Variants in RGS9 observed in about 807,000 individuals in gnomAD.
The protein encoded by RGS9 is regulator of G-protein signalling 9.
Under a neutral mutation model 102.0 loss-of-function variants are expected in RGS9, and 78 were observed. The observed-to-expected ratio is 0.76, with a 90% CI of 0.64 to 0.92. The LOEUF (loss-of-function observed/expected upper bound fraction) is 0.92, where lower values mean the gene tolerates loss of function less well. RGS9 is among the 40% of genes least tolerant of loss of function. RGS9 has a pLI of 0.00. For missense variants in RGS9, 833 were observed against 866.1 expected, an observed-to-expected ratio of 0.96 and a Z score of 0.48; for synonymous variants, 353 against 318.6, an observed-to-expected ratio of 1.11 and a Z score of -1.15.
chr17:65,142,005 C>G (rs1910175515), intron 1 of RGS9, among the ~76,000 whole-genome samples: 1 of 152,162 alleles, frequency 6.6e-6, no homozygotes, highest in Non-Finnish European at 1.5e-5. Flanking sequence ...GCCTGTAATC[C>G]CAGTACTTTG....
chr17:65,160,750 G>T (rs527822345), intron 5 of RGS9, 101 bp from the exon 6 acceptor site: 3 of 1,429,520 alleles, frequency 2.1e-6, no homozygotes, highest in Middle Eastern at 1.7e-4. Flanking sequence ...TGTGCTGAGC[G>T]TTCTCTCCCC....
chr17:65,140,723 A>T (rs796964413), intron 1 of RGS9, among the ~76,000 whole-genome samples: 15 of 152,260 alleles, frequency 9.9e-5, no homozygotes, highest in African/African-American at 3.4e-4. Context: ...AAAAATATAA[A>T]AATTAGCAGG....
chr17:65,176,773 A>G (rs904787476), intron 8 of RGS9, among the ~76,000 whole-genome samples: 2 of 144,446 alleles, frequency 1.4e-5, no homozygotes, highest in African/African-American at 5.2e-5. Context: ...CCATCCGTCT[A>G]TCTCTTCACC....
At chr17:65,158,244 G>A (rs756142688) in intron 2 of RGS9, 51 bp from the exon 3 acceptor site, 32 of 1,546,104 alleles carry the variant, frequency 2.1e-5, no homozygotes, top group Non-Finnish European at 2.9e-5. Flanking sequence ...GGAGGAGCGG[G>A]GATGTGTCAG....
At chr17:65,225,517 A>G in intron 18 of RGS9, 31 bp downstream of exon 18, 4 of 1,599,426 alleles carry the variant, frequency 2.5e-6, no homozygotes, top group South Asian at 2.2e-5. Context: ...TGCCGTATGC[A>G]TGGGTGGCTG....
chr17:65,220,193 ATTATTCT>A (rs1913654759), intron 17 of RGS9, among the ~76,000 whole-genome samples: 1 of 152,188 alleles, frequency 6.6e-6, no homozygotes, highest in Non-Finnish European at 1.5e-5. Context: ...ATAGTAAATC[ATTATTCT>A]TTATTTAAGG....
chr17:65,145,081 C>T (rs887035817), intron 1 of RGS9, among the ~76,000 whole-genome samples: 8 of 152,082 alleles, frequency 5.3e-5, no homozygotes, highest in East Asian at 3.9e-4. Flanking sequence ...CTCATTTCAC[C>T]GCTTTATTTT....
At chr17:65,197,302 G>A in intron 13 of RGS9, 61 bp downstream of exon 13, 2 of 1,088,296 alleles carry the variant, frequency 1.8e-6, no homozygotes, top group East Asian at 2.6e-5. Flanking sequence ...GTCCTTTAAT[G>A]TCTAGCCTAG....
chr17:65,138,630 T>G (rs958829506), intron 1 of RGS9, among the ~76,000 whole-genome samples: 2 of 151,978 alleles, frequency 1.3e-5, no homozygotes, highest in South Asian at 2.1e-4. Flanking sequence ...GGCTGAATGT[T>G]GTCTCACTCA....
chr17:65,181,548 A>G (rs1294829467), intron 9 of RGS9, among the ~76,000 whole-genome samples: 4 of 152,176 alleles, frequency 2.6e-5, no homozygotes, highest in African/African-American at 7.2e-5. Context: ...CCGGGACCAC[A>G]CTCTAGAAGT....
chr17:65,164,681 A>G (rs1911110268), intron 7 of RGS9, among the ~76,000 whole-genome samples: 1 of 152,208 alleles, frequency 6.6e-6, no homozygotes, highest in Non-Finnish European at 1.5e-5. Flanking sequence ...CCAGGGGGGA[A>G]AATATGTTCT....
intron 9 of RGS9, among the ~76,000 whole-genome samples, chr17:65,182,043 A>AT (rs1911904521): frequency 6.6e-6 from 1 of 152,146 alleles, no homozygotes; most frequent in Non-Finnish European, 1.5e-5. Context: ...TTAGAGGTGG[A>AT]AGGAGGGGTT....
intron 2 of RGS9, among the ~76,000 whole-genome samples, chr17:65,156,579 G>A (rs1048064566): frequency 6.6e-6 from 1 of 152,240 alleles, no homozygotes; most frequent in Non-Finnish European, 1.5e-5. Flanking sequence ...CGGGACAAAG[G>A]TGGCTGATGC....
intron 16 of RGS9, among the ~76,000 whole-genome samples, chr17:65,209,382 G>T (rs1475141728): frequency 6.6e-6 from 1 of 152,200 alleles, no homozygotes; most frequent in Non-Finnish European, 1.5e-5. Context: ...CCTTAAGATA[G>T]ATATAAGAGT....
intron 8 of RGS9, among the ~76,000 whole-genome samples, chr17:65,170,953 A>G (rs1911393756): frequency 6.6e-6 from 1 of 152,122 alleles, no homozygotes; most frequent in Non-Finnish European, 1.5e-5. Context: ...CTAGAAATTG[A>G]GCAATCTGAC....
In RGS9 at chr17:65,166,912, C is replaced by T. The variant is rs181277788; in HGVS notation, c.501-1288C>T. 2.8e-3 allele frequency among the ~76,000 whole-genome samples: 421 copies of T among 152,310 alleles called. 2 individuals carry two copies. The highest frequency in any genetic ancestry group is 9.5e-3 in the African/African-American group (396 of 41,574). ...GCCCAAATGGAATGGCGCTGTTCACCCATCTGGCTCCCTGAGTGTTATGAT... is the reference window on the plus strand; with the variant it reads ...GCCCAAATGGAATGGCGCTGTTCACTCATCTGGCTCCCTGAGTGTTATGAT... On this transcript the variant is annotated intron_variant, in intron 7 of 18. Transcript: ENST00000262406.
intron 8 of RGS9, 135 bp from the exon 9 acceptor site, chr17:65,177,597 C>A: frequency 2.2e-6 from 2 of 905,808 alleles, no homozygotes; most frequent in Non-Finnish European, 3.7e-6. Context: ...TACACCCACT[C>A]AAAGCTTCCC....
intron 9 of RGS9, among the ~76,000 whole-genome samples, chr17:65,179,578 TG>T (rs11408832): frequency 2.8e-5 from 4 of 143,706 alleles, no homozygotes; most frequent in South Asian, 4.5e-4. Flanking sequence ...CATTCTGAGA[TG>T]GGGGGGTGGG....
intron 9 of RGS9, among the ~76,000 whole-genome samples, chr17:65,180,244 G>A (rs1410942293): frequency 6.6e-6 from 1 of 152,144 alleles, no homozygotes; most frequent in Non-Finnish European, 1.5e-5. Flanking sequence ...ACCTGGGAGT[G>A]CAGAGGCTTT....
Sources: gnomAD v4.1 joint callset for allele counts (sites outside exome capture counted in the v4.1 genomes callset) on GRCh38, gnomAD v4.1.1 for gene constraint, MANE v1.5 for transcripts, NCBI Gene and HGNC (gene_info 2026-07-23, HGNC 2026-07-21) for gene names.